MEI1: variants seen among roughly 807,000 people sequenced by gnomAD.
MEI1 encodes meiotic double-stranded break formation protein 1.
Under a neutral mutation model 146.2 loss-of-function variants are expected in MEI1, and 103 were observed. The observed-to-expected ratio is 0.70, with a 90% CI of 0.60 to 0.83. The LOEUF (loss-of-function observed/expected upper bound fraction) is 0.83, where lower values mean the gene tolerates loss of function less well. MEI1 is among the 40% of genes least tolerant of loss of function. The pLI is 0.00. For synonymous variants in MEI1, 652 were observed against 628.2 expected (o/e 1.04, Z -0.57); for missense variants, 1,529 against 1,533.0 (o/e 1.00, Z 0.04).
Position 41,776,214 on chromosome 22 carries a change from T to G in MEI1, c.2657T>G (p.Phe886Cys). 6.2e-7 allele frequency: 1 copy of G among 1,613,942 alleles called. No individual in the cohort carries two copies. Among genetic ancestry groups the G allele is most frequent in the Non-Finnish European group, 8.5e-7 (1 of 1,179,880 alleles). The change falls in exon 21 of 31, where the codon TTC becomes TGC. Residue 886 changes from phenylalanine to cysteine, a missense_variant. Physicochemically the swap from Phe to Cys is radical, Grantham distance 205. This residue lies in a region of MEI1 where 1,212 missense variants were observed against 1,178.9 expected (regional missense o/e 1.03). Coordinates refer to ENST00000401548, the MANE Select transcript of MEI1 (RefSeq NM_152513.4). ...IQVGGLIRGH[F>C]LLILQRLLVE... is the part of the protein sequence containing the mutation. ...GTGGGCGGTCTTATCCGAGGCCACT[T>G]CCTGCTGATCCTGCAGCGTCTGCTA...
chr22:41,700,749 A>ATTTTTTT (rs78862314), intron 1 of MEI1, among the ~76,000 whole-genome samples: 6 of 117,634 alleles, frequency 5.1e-5, no homozygotes, highest in African/African-American at 2.3e-4. Context: ...GCAGTTCTCA[A>ATTTTTTT]TTTTTTTTTT....
chr22:41,794,616 A>C, intron 28 of MEI1, 139 bp downstream of exon 28: 1 of 673,128 alleles, frequency 1.5e-6, no homozygotes, highest in Non-Finnish European at 2.6e-6. Context: ...ACCCTACAAG[A>C]GACTTGCTGA....
chr22:41,707,944 G>C (rs1480718107), intron 3 of MEI1, among the ~76,000 whole-genome samples: 1 of 152,188 alleles, frequency 6.6e-6, no homozygotes, highest in South Asian at 2.1e-4. Flanking sequence ...CATTCCTTTG[G>C]CTACTTGGTG....
chr22:41,758,484 C>G lies in MEI1; in HGVS notation c.2071C>G (p.Gln691Glu). The G allele has an allele frequency of 6.2e-7, 1 of 1,613,820 alleles. No individual in the cohort carries two copies. The stretch of plus-strand genomic sequence containing the variant: ...CATGGAGGGAGCTGCTCGCCAGAGA[C>G]AGTACTGCATCCTGCTCCTCTTCTA... ...QYMEGAARQR[Q>E]YCILLLFYLA... Residue 691 changes from glutamine (Q) to glutamate (E), a missense_variant, in exon 18 of 31, where the codon CAG (glutamine) becomes GAG (glutamate). Coordinates refer to ENST00000401548, the MANE Select transcript of MEI1 (RefSeq NM_152513.4).
In MEI1 at chr22:41,754,013, G is replaced by A; in HGVS notation, c.1918G>A (p.Ala640Thr). 1 of 1,613,492 alleles carries A rather than the reference G, an allele frequency of 6.2e-7. No homozygotes were observed. Among genetic ancestry groups the A allele is most frequent in the Non-Finnish European group, 8.5e-7 (1 of 1,179,542 alleles). ...CTATATGTGCCTCAACCTTCTCTCA[G>A]CTCCAGAGAAGACAGGACCACCTTC... ...LYYMCLNLLS[A>T]PEKTGPPSKE... Residue 640 changes from alanine (A) to threonine (T), a missense_variant, in exon 17 of 31, where the codon GCT becomes ACT. Coordinates refer to ENST00000401548, the MANE Select transcript of MEI1 (RefSeq NM_152513.4).
rs2073246889 is a variant in MEI1 at position 41,745,903 on chromosome 22, G to A, written c.1557G>A (p.Gln519=). 1.9e-6 allele frequency: 3 copies of A among 1,611,006 alleles called. No homozygotes were observed. Among genetic ancestry groups the A allele is most frequent in the Non-Finnish European group, 1.7e-6 (2 of 1,177,838 alleles). ...TTCTTAGGTTGGCTATAGAATTCCA[G>A]AGTGAGCCTTCAGCCCAGGAGAATC... ...RSACRLAIEF[Q]SEPSAQENPF... Residue 519 remains glutamine (Q), a synonymous_variant, in exon 14 of 31, where the codon CAG becomes CAA. Transcript: ENST00000401548.
Position 41,795,994 on chromosome 22 carries a change from C to G in MEI1, c.3779+147C>G, listed in dbSNP as rs546253241. On this transcript the variant is annotated intron_variant, in intron 30 of 30. Transcript: ENST00000401548. This position sits in a 1 kb window ranked among gnomAD's most constrained non-coding sequence, Gnocchi z 4.2. ...GATGTTCTGCAAGGTGTGGCTTTGG[C>G]TGACCTGTCTTGGCCTGGGCAAGCT... 3.2e-5 allele frequency: 52 copies of G among 1,608,534 alleles called. No homozygotes were observed. The highest frequency in any genetic ancestry group is 3.8e-5 in the Non-Finnish European group (45 of 1,176,796).
intron 11 of MEI1, among the ~76,000 whole-genome samples, chr22:41,733,071 G>A (rs1054074036): frequency 6.6e-6 from 1 of 151,240 alleles, no homozygotes; most frequent in Non-Finnish European, 1.5e-5. Context: ...GTGAGCCACC[G>A]CATCCAGCTG....
At chr22:41,703,631 C>G (rs1314007082) in intron 2 of MEI1, among the ~76,000 whole-genome samples, 177 bp downstream of exon 2, 6 of 152,112 alleles carry the variant, frequency 3.9e-5, no homozygotes, top group African/African-American at 1.2e-4. Context: ...ATCCAAGATG[C>G]ATTTTACAGT....
chr22:41,782,982 A>G (rs916715723), intron 24 of MEI1, among the ~76,000 whole-genome samples: 1 of 152,000 alleles, frequency 6.6e-6, no homozygotes, highest in Non-Finnish European at 1.5e-5. Flanking sequence ...CATTGCAGCC[A>G]CAGTCTGTCC....
intron 9 of MEI1, among the ~76,000 whole-genome samples, chr22:41,732,031 A>G (rs1043762142): frequency 1.3e-5 from 2 of 152,146 alleles, no homozygotes; most frequent in South Asian, 2.1e-4. Flanking sequence ...GGACTGTGCT[A>G]TGGCTTGTAC....
At chr22:41,762,266 C>A (rs1020623989) in intron 18 of MEI1, among the ~76,000 whole-genome samples, 10 of 151,966 alleles carry the variant, frequency 6.6e-5, no homozygotes, top group Non-Finnish European at 1.5e-5. Context: ...CCTTTCCATT[C>A]CTGTCCTGTC....
At position 41,777,158 on chromosome 22, in the gene MEI1, A is replaced by ATT. The variant is rs11429191; in HGVS notation, c.2710+905_2710+906dup. Among the ~76,000 whole-genome samples the ATT allele has an allele frequency of 3.9e-3, 548 of 140,882 alleles. 4 individuals carry two copies. The highest frequency in any genetic ancestry group is 0.011 in the Middle Eastern group (3 of 272). The allele number at this position is 140,882 out of a possible 152,430, so 92.4% of individuals were successfully genotyped here. On this transcript the variant is annotated intron_variant, in intron 21 of 30. Transcript: ENST00000401548. Reference sequence around the variant, plus strand: ...TTAGAGAAGCTGAATTTTAAAAATAATTTTTTTTTTTTTTTGAGAGAGGGT... The same window carrying ATT: ...TTAGAGAAGCTGAATTTTAAAAATAATTTTTTTTTTTTTTTTTGAGAGAGGGT...
Position 41,758,443 on chromosome 22 carries a change from T to A in MEI1, c.2030T>A (p.Leu677Gln). The A allele has an allele frequency of 5.0e-6, 8 of 1,613,994 alleles. No homozygotes were observed. Among genetic ancestry groups the A allele is most frequent in the Non-Finnish European group, 6.8e-6 (8 of 1,179,872 alleles). ...AGGAGCCCTGAAAGCCTTGCCTTCC[T>A]GTCTGATCGCCAGTACATGGAGGGA... is the stretch of plus-strand genomic sequence containing the variant. The part of the protein sequence containing the change: ...SSRSPESLAF[L>Q]SDRQYMEGAA... Residue 677 changes from leucine (L) to glutamine (Q), a missense_variant, in exon 18 of 31, where the codon CTG (leucine) becomes CAG (glutamine). Around this residue, in one of 3 missense-constraint regions of MEI1, gnomAD observed 1,212 missense variants for 1,178.9 expected, o/e 1.03. Coordinates refer to ENST00000401548, the MANE Select transcript of MEI1 (RefSeq NM_152513.4).
intron 7 of MEI1, among the ~76,000 whole-genome samples, chr22:41,724,867 A>G (rs1199796057): frequency 1.3e-5 from 2 of 151,974 alleles, no homozygotes; most frequent in South Asian, 2.1e-4. Flanking sequence ...GTAGTGGCAC[A>G]ATCACGGCTC....
At position 41,781,381 on chromosome 22, in the gene MEI1, C is replaced by A; in HGVS notation, c.2913C>A (p.Ser971Arg). The A allele has an allele frequency of 4.3e-6, 7 of 1,612,740 alleles. No individual in the cohort carries two copies. Among genetic ancestry groups the A allele is most frequent in the African/African-American group, 1.3e-5 (1 of 75,020 alleles). The change falls in exon 23 of 31, where the codon AGC (serine) becomes AGA (arginine). Residue 971 changes from serine (S) to arginine (R), a missense_variant. Transcript: ENST00000401548. Reference protein sequence around the residue: ...LYWSLHQTTPSSQKRAAAVLL... With the variant: ...LYWSLHQTTPRSQKRAAAVLL... ...GGAGCCTTCATCAGACCACACCCAG[C>A]AGTCAGAAAAGAGGTGCAGGGGCCC...
At chr22:41,703,709 C>T (rs768673281) in intron 2 of MEI1, among the ~76,000 whole-genome samples, 2 of 152,092 alleles carry the variant, frequency 1.3e-5, no homozygotes, top group Admixed American at 6.6e-5. Flanking sequence ...GTTGGCCGGG[C>T]GTGGTGGCTC....
intron 18 of MEI1, among the ~76,000 whole-genome samples, chr22:41,759,721 C>T (rs565249742): frequency 3.3e-5 from 5 of 151,760 alleles, no homozygotes; most frequent in African/African-American, 1.2e-4. Flanking sequence ...CCCAGCTACT[C>T]GGGAGGCTGA....
chr22:41,793,556 C>A (rs555782479), intron 26 of MEI1, among the ~76,000 whole-genome samples: 3 of 152,320 alleles, frequency 2.0e-5, no homozygotes, highest in South Asian at 2.1e-4. Flanking sequence ...GACGCTTTGG[C>A]CTCCCAAAGT....
Sources: allele counts gnomAD v4.1 joint callset (sites outside exome capture counted in the v4.1 genomes callset), GRCh38; gene constraint gnomAD v4.1.1; regional missense constraint gnomAD v4.1.1; non-coding constraint Gnocchi (gnomAD v3.1); transcripts MANE v1.5; gene names NCBI Gene and HGNC (gene_info 2026-07-23, HGNC 2026-07-21).